DGKB: variants seen among roughly 807,000 people sequenced by gnomAD.
DGKB encodes the protein diacylglycerol kinase beta.
A neutral mutation model predicts 114.3 loss-of-function variants in DGKB; 67 were observed. The observed-to-expected ratio is 0.59, with a 90% CI of 0.48 to 0.72. The LOEUF (loss-of-function observed/expected upper bound fraction) is 0.72, where lower values mean the gene tolerates loss of function less well. Among genes scored for constraint, DGKB ranks in the 30% least tolerant of loss-of-function variants. The probability of loss-of-function intolerance (pLI) is 0.00; values close to 1 mark genes in which losing one functional copy is unlikely to be tolerated. For missense variants in DGKB, 907 were observed against 975.2 expected (o/e 0.93, Z 0.93); for synonymous variants, 398 against 323.1 (o/e 1.23, Z -2.49).
At chr7:14,837,798 T>C (rs941106734) in intron 2 of DGKB, among the ~76,000 whole-genome samples, 5 of 152,214 alleles carry the variant, frequency 3.3e-5, no homozygotes, top group Non-Finnish European at 7.3e-5. Flanking sequence ...TCCTGTTATA[T>C]TTTGGCACTG....
intron 2 of DGKB, among the ~76,000 whole-genome samples, chr7:14,769,175 AGAGAAAG>A (rs1391212096): frequency 4.0e-4 from 53 of 132,008 alleles, no homozygotes; most frequent in African/African-American, 1.6e-3. Context: ...AGGGAAGGAA[AGAGAAAG>A]GAAAGAAAGA....
intron 1 of DGKB, among the ~76,000 whole-genome samples, chr7:14,854,394 T>C (rs150741159): frequency 0.012 from 1,868 of 152,290 alleles, 29 homozygotes; most frequent in Admixed American, 0.018. Flanking sequence ...CCCAACCTTT[T>C]TGGCACCAGG....
chr7:14,602,132 T>C (rs1053410788), intron 17 of DGKB, among the ~76,000 whole-genome samples: 2 of 152,194 alleles, frequency 1.3e-5, no homozygotes, highest in African/African-American at 2.4e-5. Context: ...TACTTTAGTC[T>C]GTAAAGTCTA....
intron 13 of DGKB, among the ~76,000 whole-genome samples, chr7:14,650,074 T>C (rs575230824): frequency 1.6e-4 from 25 of 151,908 alleles, no homozygotes; most frequent in African/African-American, 5.8e-4. Flanking sequence ...ACTGTCAACA[T>C]TGGACAGATC....
At chr7:14,943,547 G>C (rs1024747558) in intron 1 of DGKB, among the ~76,000 whole-genome samples, 1 of 151,584 alleles carries the variant, frequency 6.6e-6, no homozygotes, top group African/African-American at 2.4e-5. Context: ...CTAAACTTGG[G>C]TTTTTAGATG....
At chr7:14,706,949 C>T (rs1255729540) in intron 6 of DGKB, among the ~76,000 whole-genome samples, 1 of 144,240 alleles carries the variant, frequency 6.9e-6, no homozygotes, top group African/African-American at 2.6e-5. Context: ...TAGCAGAAGG[C>T]AAGAAATAAC....
At position 14,543,785 on chromosome 7, in the gene DGKB, G is replaced by T. The variant is rs530277592; in HGVS notation, c.1770+30427C>A. Among the ~76,000 whole-genome samples, 7 of 152,284 alleles carry T rather than the reference G, an allele frequency of 4.6e-5. No homozygotes were observed. The South Asian group carries it at 1.0e-3, about 23-fold the overall frequency. On this transcript the variant is annotated intron_variant, in intron 20 of 25. Transcript: ENST00000402815. Reference sequence around the variant, plus strand: ...AATCAAGACACTGCTAGCTCAGAAGGTACTGATTGGTTATAATTCTTACAG... The same window carrying T: ...AATCAAGACACTGCTAGCTCAGAAGTTACTGATTGGTTATAATTCTTACAG...
chr7:14,378,417 T>G (rs542007869), intron 21 of DGKB, among the ~76,000 whole-genome samples: 1 of 152,188 alleles, frequency 6.6e-6, no homozygotes, highest in Admixed American at 6.5e-5. Context: ...ATGCTAACTT[T>G]AGGGAAAAGT....
chr7:14,826,469 C>A (rs1845720662), intron 2 of DGKB, among the ~76,000 whole-genome samples: 2 of 151,952 alleles, frequency 1.3e-5, no homozygotes, highest in African/African-American at 4.8e-5. Flanking sequence ...CTTCCTGGTC[C>A]CTATATTCAT....
At chr7:14,252,691 C>A (rs1291395746) in intron 23 of DGKB, among the ~76,000 whole-genome samples, 1 of 152,104 alleles carries the variant, frequency 6.6e-6, no homozygotes, top group Non-Finnish European at 1.5e-5. Context: ...GGCAGGTATG[C>A]CTCTGGAATG....
chr7:14,342,370 C>T (rs1333207125), intron 22 of DGKB, among the ~76,000 whole-genome samples: 1 of 151,812 alleles, frequency 6.6e-6, no homozygotes, highest in Non-Finnish European at 1.5e-5. Flanking sequence ...AACTCTGTAT[C>T]TTCAATTCCA....
At chr7:14,789,955 A>C (rs1333822097) in intron 2 of DGKB, among the ~76,000 whole-genome samples, 1 of 152,128 alleles carries the variant, frequency 6.6e-6, no homozygotes, top group Non-Finnish European at 1.5e-5. Flanking sequence ...CCAGTAGTTG[A>C]TGTCGTTACC....
chr7:14,557,116 G>A (rs1795987688), intron 20 of DGKB, among the ~76,000 whole-genome samples: 1 of 152,114 alleles, frequency 6.6e-6, no homozygotes, highest in Admixed American at 6.5e-5. Flanking sequence ...GAAAACCCAG[G>A]TGTAGAGACC....
At chr7:14,752,089 G>T (rs533656767) in intron 4 of DGKB, among the ~76,000 whole-genome samples, 13 of 152,164 alleles carry the variant, frequency 8.5e-5, no homozygotes, top group African/African-American at 2.9e-4. Context: ...TCCAAGATCC[G>T]TTAAGATGAA....
At chr7:14,768,119 CAT>C (rs1328150081) in intron 2 of DGKB, among the ~76,000 whole-genome samples, 1 of 151,916 alleles carries the variant, frequency 6.6e-6, no homozygotes, top group African/African-American at 2.4e-5. Context: ...TGCTCACATA[CAT>C]ATTTTAAAGA....
At chr7:14,611,138 T>G (rs1399657610) in intron 16 of DGKB, among the ~76,000 whole-genome samples, 1 of 152,150 alleles carries the variant, frequency 6.6e-6, no homozygotes, top group African/African-American at 2.4e-5. Context: ...AAGAAGCTCC[T>G]TCTTCTCTAA....
chr7:14,338,570 C>G lies in DGKB; in HGVS notation c.2067G>C (p.Gly689=), dbSNP rs1381207240. ...RRSHRRIEKK[G]SDKRTTVTDA... ...CTGTGACGGTGGTCCTTTTGTCAGA[C>G]CCTTTTTTCTCTATTCGTCGATGGC... The change falls in exon 23 of 26, where the codon GGG becomes GGC. Residue 689 remains glycine (G), a synonymous_variant. Coordinates refer to ENST00000402815, the MANE Select transcript of DGKB (RefSeq NM_001350709.2). The G allele has an allele frequency of 6.2e-7, 1 of 1,608,572 alleles. No homozygotes were observed. The highest frequency in any genetic ancestry group is 1.7e-5 in the Admixed American group (1 of 59,312).
At chr7:14,910,258 GAAAGAAAGAAAGAAAGAAAGAAAGAA>G (rs1562868958) in intron 1 of DGKB, among the ~76,000 whole-genome samples, 42 of 93,218 alleles carry the variant, frequency 4.5e-4, no homozygotes, top group Non-Finnish European at 6.1e-4. Context: ...AAGAAAGAAA[GAAAGAAAGAAAGAAAGAAAGAAAGAA>G]AGAAAGAAAG....
In DGKB at chr7:14,729,339, G is replaced by A. The variant is rs192789184; in HGVS notation, c.322+6702C>T. Among the ~76,000 whole-genome samples, 619 of 151,772 alleles carry A rather than the reference G, an allele frequency of 4.1e-3. 4 individuals are homozygous for A. The highest frequency in any genetic ancestry group is 0.022 in the Admixed American group (332 of 15,254). ...AGGTTTCACCGTGTTAGCCAGGATG[G>A]TCTCGATCTCCTGACCTTGTGATTC... On this transcript the variant is annotated intron_variant, in intron 5 of 25. Transcript: ENST00000402815.
Sources: gnomAD v4.1 joint callset for allele counts (sites outside exome capture counted in the v4.1 genomes callset) on GRCh38, gnomAD v4.1.1 for gene constraint, MANE v1.5 for transcripts, NCBI Gene and HGNC (gene_info 2026-07-23, HGNC 2026-07-21) for gene names.